Variants in CCDC97 observed in about 807,000 individuals in gnomAD.
The protein encoded by CCDC97 is coiled-coil domain containing 97.
Under a neutral mutation model 33.9 loss-of-function variants are expected in CCDC97, and 27 were observed. The ratio of observed to expected loss-of-function variants is 0.80; its 90% CI spans 0.59 to 1.10. CCDC97 has a LOEUF of 1.10. Among genes scored for constraint, CCDC97 ranks in the 50% least tolerant of loss-of-function variants. The pLI is 0.00. For synonymous variants in CCDC97, 217 were observed against 194.0 expected (o/e 1.12, Z -0.99); for missense variants, 422 against 476.6 (o/e 0.89, Z 1.07).
rs1430522126 is a variant in CCDC97 at position 41,320,381 on chromosome 19, C to T, written c.822C>T (p.Asp274=). 1 of 1,614,060 alleles carries T rather than the reference C, an allele frequency of 6.2e-7. No homozygotes were observed. Among genetic ancestry groups the T allele is most frequent in the African/African-American group, 1.3e-5 (1 of 74,918 alleles). Residue 274 remains aspartate, a synonymous_variant, in exon 4 of 5, where the codon GAC becomes GAT. Coordinates refer to ENST00000269967, the MANE Select transcript of CCDC97 (RefSeq NM_052848.3). ...AGGACTCGGAGGCCTGGGTTCCCGA[C>T]TCGGAGGAGAGGCTGATCCTGCGAG... ...SGKDSEAWVP[D]SEERLILREE... is the part of the protein sequence containing the mutation.
intron 1 of CCDC97, among the ~76,000 whole-genome samples, chr19:41,314,013 C>A (rs1249624814): frequency 6.6e-6 from 1 of 152,008 alleles, no homozygotes; most frequent in African/African-American, 2.4e-5. Context: ...TTCCTGTTTT[C>A]TTTGCCCATA....
At chr19:41,320,944 C>A (rs2037818591) in intron 4 of CCDC97, among the ~76,000 whole-genome samples, 1 of 152,252 alleles carries the variant, frequency 6.6e-6, no homozygotes. Flanking sequence ...AGGGCTGAGA[C>A]ACGTGGGCCA....
At position 41,317,535 on chromosome 19, in the gene CCDC97, C is replaced by G. The variant is rs556311444; in HGVS notation, c.502+696C>G. Among the ~76,000 whole-genome samples the G allele has an allele frequency of 6.9e-4, 105 of 151,870 alleles. 1 individual carries two copies. Among genetic ancestry groups the G allele is most frequent in the African/African-American group, 2.4e-3 (101 of 41,390 alleles). On this transcript the variant is annotated intron_variant, in intron 2 of 4. Coordinates refer to ENST00000269967, the MANE Select transcript of CCDC97 (RefSeq NM_052848.3). ...CTCATGAGTTCAAGACCAGCCTGGGCAACATGGCGAAATGCTGTCTCTACA... is the reference window on the plus strand; with the variant it reads ...CTCATGAGTTCAAGACCAGCCTGGGGAACATGGCGAAATGCTGTCTCTACA...
chr19:41,318,701 T>C (rs1055397210), intron 2 of CCDC97, among the ~76,000 whole-genome samples: 1 of 151,806 alleles, frequency 6.6e-6, no homozygotes, highest in African/African-American at 2.4e-5. Context: ...CAGCCAGGGG[T>C]GATGCAGGGA....
At chr19:41,312,573 T>C (rs928194158) in intron 1 of CCDC97, among the ~76,000 whole-genome samples, 2 of 152,244 alleles carry the variant, frequency 1.3e-5, no homozygotes, top group African/African-American at 2.4e-5. Context: ...ACAAACTGCA[T>C]GGCTTCAAAC....
chr19:41,319,881 AT>A (rs2037800487), intron 3 of CCDC97, 29 bp downstream of exon 3: 1 of 1,082,118 alleles, frequency 9.2e-7, no homozygotes, highest in Non-Finnish European at 1.4e-6. Context: ...AAGACCCCAG[AT>A]TCCAGACACC....
rs763788850 is a variant in CCDC97, at chr19:41,322,847, C to T, written c.*132C>T. ...CCACAACCCACACACACCACCATCT[C>T]ACTGGGTCTAGTCTCATCTCAGACA... is the stretch of plus-strand genomic sequence containing the variant. On this transcript the variant is annotated 3_prime_UTR_variant, in exon 5 of 5. Transcript: ENST00000269967. 137 of 1,059,332 alleles carry T rather than the reference C, an allele frequency of 1.3e-4. No individual in the cohort carries two copies. Among genetic ancestry groups the T allele is most frequent in the Middle Eastern group, 1.2e-3 (4 of 3,408 alleles). The allele number at this position is 1,059,332 out of a possible 1,614,324, so 65.6% of individuals were successfully genotyped here.
chr19:41,313,882 TAGAG>T (rs376097489), intron 1 of CCDC97, among the ~76,000 whole-genome samples: 3 of 152,276 alleles, frequency 2.0e-5, no homozygotes, highest in African/African-American at 7.2e-5. Context: ...GTATTTTTAA[TAGAG>T]AGAGGGTTTC....
intron 1 of CCDC97, 36 bp from the exon 2 acceptor site, chr19:41,316,347 TC>T: frequency 6.5e-7 from 1 of 1,538,770 alleles, no homozygotes; most frequent in Non-Finnish European, 8.9e-7. Flanking sequence ...CTTCCCACAC[TC>T]CCATCTCTGA....
intron 2 of CCDC97, among the ~76,000 whole-genome samples, chr19:41,318,835 C>T (rs1260724790): frequency 6.6e-6 from 1 of 152,168 alleles, no homozygotes; most frequent in South Asian, 2.1e-4. Flanking sequence ...GATACACGGG[C>T]AGATGCCCCA....
Position 41,310,202 on chromosome 19 carries a change from GGT to G in CCDC97, c.-107_-106del. The G allele has an allele frequency of 6.8e-7, 1 of 1,467,582 alleles. No individual in the cohort carries two copies. The highest frequency in any genetic ancestry group is 9.3e-7 in the Non-Finnish European group (1 of 1,075,270). The allele number at this position is 1,467,582 out of a possible 1,614,324, so 90.9% of individuals were successfully genotyped here. On this transcript the variant is annotated 5_prime_UTR_variant, in exon 1 of 5. Coordinates refer to ENST00000269967, the MANE Select transcript of CCDC97 (RefSeq NM_052848.3). ...CGGAACTTCGGTGCCTGGGCGCAGC[GGT>G]GCACCCGGACCCGGAACATTCTCAG...
rs367678386 is a variant in CCDC97, at chr19:41,322,628, C to T, written c.945C>T (p.Leu315=). Residue 315 remains leucine, a synonymous_variant, in exon 5 of 5, where the codon CTC becomes CTT. Coordinates refer to ENST00000269967, the MANE Select transcript of CCDC97 (RefSeq NM_052848.3). ...ACGACAACCCCGACTTCGACAACCT[C>T]GACATCGTGGCACGGGATGAGGAGG... is the stretch of plus-strand genomic sequence containing the variant. ...TVDDNPDFDN[L]DIVARDEEER... 2.5e-5 allele frequency: 41 copies of T among 1,613,364 alleles called. No individual in the cohort carries two copies. The highest frequency in any genetic ancestry group is 1.8e-4 in the Admixed American group (11 of 59,966).
intron 1 of CCDC97, among the ~76,000 whole-genome samples, chr19:41,314,965 T>C (rs1388086220): frequency 6.6e-6 from 1 of 151,576 alleles, no homozygotes; most frequent in Non-Finnish European, 1.5e-5. Flanking sequence ...AGTGAGACCT[T>C]GTCTTTACTG....
intron 4 of CCDC97, among the ~76,000 whole-genome samples, chr19:41,321,086 C>G (rs1449696318): frequency 1.3e-5 from 2 of 152,250 alleles, no homozygotes; most frequent in African/African-American, 4.8e-5. Flanking sequence ...TCACATCCAG[C>G]CCCGATGACA....
chr19:41,314,624 C>A (rs2123054370), intron 1 of CCDC97, among the ~76,000 whole-genome samples: 1 of 152,350 alleles, frequency 6.6e-6, no homozygotes, highest in East Asian at 1.9e-4. Flanking sequence ...TCCAAGAGAC[C>A]TCATGGCTTA....
At chr19:41,319,519 G>T (rs535393540) in intron 2 of CCDC97, 55 bp from the exon 3 acceptor site, 1 of 1,285,456 alleles carries the variant, frequency 7.8e-7, no homozygotes, top group Non-Finnish European at 1.1e-6. Context: ...TACCCACATG[G>T]ACACTATCTG....
chr19:41,316,776 C>T lies in CCDC97; in HGVS notation c.439C>T (p.Pro147Ser), dbSNP rs776685660. 5 of 1,609,350 alleles carry T rather than the reference C, an allele frequency of 3.1e-6. No individual in the cohort carries two copies. In the East Asian group the frequency reaches 6.7e-5, roughly 22 times the overall value. The part of the protein sequence containing the change: ...AEVARQGTAR[P>S]RTLRTRLRNR... ...GGTGGCCCGGCAGGGCACTGCCCGG[C>T]CCCGCACCCTGCGTACCCGCCTGCG... The change falls in exon 2 of 5, where the codon CCC (proline) becomes TCC (serine). Residue 147 changes from proline to serine, a missense_variant. Physicochemically the swap from Pro to Ser is moderately conservative, Grantham distance 74. Coordinates refer to ENST00000269967, the MANE Select transcript of CCDC97 (RefSeq NM_052848.3).
At chr19:41,317,805 TTTGG>T (rs1179615668) in intron 2 of CCDC97, among the ~76,000 whole-genome samples, 1 of 151,070 alleles carries the variant, frequency 6.6e-6, no homozygotes, top group Non-Finnish European at 1.5e-5. Context: ...ATCCCAGCAC[TTTGG>T]GAGGGCGAGG....
In CCDC97 at chr19:41,324,522, A is replaced by G. The variant is rs1444831098; in HGVS notation, c.*1807A>G. ...GGGTCAGATGGTAGGCGGGCCTAAC[A>G]AGGGCTCCGTGCTAGCCACTGTCCC... On this transcript the variant is annotated 3_prime_UTR_variant, in exon 5 of 5. Coordinates refer to ENST00000269967, the MANE Select transcript of CCDC97 (RefSeq NM_052848.3). 3 of 152,232 alleles carry G rather than the reference A, an allele frequency of 2.0e-5. No individual in the cohort carries two copies. The highest frequency in any genetic ancestry group is 2.9e-5 in the Non-Finnish European group (2 of 68,044). The allele number at this position is 152,232 out of a possible 1,614,324, so 9.4% of individuals were successfully genotyped here. A position where few individuals can be genotyped will look rare whatever the true frequency, so the allele number is the denominator to read the frequency against.
Sources: gnomAD v4.1 joint callset for allele counts (sites outside exome capture counted in the v4.1 genomes callset) on GRCh38, gnomAD v4.1.1 for gene constraint, MANE v1.5 for transcripts, NCBI Gene and HGNC (gene_info 2026-07-23, HGNC 2026-07-21) for gene names.